The following FBLN2 variants were observed in gnomAD, a reference collection of about 807,000 sequenced individuals.
FBLN2 encodes the protein fibulin-2.
A neutral mutation model predicts 123.7 loss-of-function variants in FBLN2; 81 were observed. That is an observed-to-expected ratio of 0.65 (90% CI 0.55 to 0.79). The LOEUF (loss-of-function observed/expected upper bound fraction) is 0.79, where lower values mean the gene tolerates loss of function less well. Ranked by LOEUF, FBLN2 falls within the 30% of genes least tolerant of loss-of-function variation. The pLI is 0.00. For missense variants in FBLN2, 1,603 were observed against 1,681.3 expected (o/e 0.95, Z 0.81); for synonymous variants, 699 against 701.4 (o/e 1.00, Z 0.05).
chr3:13,606,657 TA>T (rs1255192707), intron 2 of FBLN2, among the ~76,000 whole-genome samples: 2 of 131,652 alleles, frequency 1.5e-5, no homozygotes, highest in Admixed American at 7.7e-5. Flanking sequence ...TTATATACTG[TA>T]TTTTTTTTTT....
chr3:13,580,321 T>C (rs888759333), intron 2 of FBLN2, among the ~76,000 whole-genome samples: 6 of 152,324 alleles, frequency 3.9e-5, no homozygotes, highest in Non-Finnish European at 7.3e-5. Flanking sequence ...CTGGAGGGTG[T>C]ACTGGATTTT....
At chr3:13,573,894 C>CAA (rs34768387) in intron 2 of FBLN2, among the ~76,000 whole-genome samples, 324 of 72,762 alleles carry the variant, frequency 4.5e-3, no homozygotes, top group African/African-American at 8.2e-3. Flanking sequence ...GAGTGAAACT[C>CAA]AAAAAAAAAA....
At chr3:13,617,988 G>A in intron 5 of FBLN2, 88 bp from the exon 6 acceptor site, 1 of 1,156,752 alleles carries the variant, frequency 8.6e-7, no homozygotes, top group Non-Finnish European at 1.3e-6. Flanking sequence ...GTCTTGATGA[G>A]GACCTGCACT....
intron 2 of FBLN2, among the ~76,000 whole-genome samples, chr3:13,583,735 C>T (rs1171921840): frequency 1.3e-5 from 2 of 152,188 alleles, no homozygotes; most frequent in Admixed American, 6.5e-5. Context: ...AGTGATAGAC[C>T]CCATATATAA....
At chr3:13,603,236 GTT>G (rs143770518) in intron 2 of FBLN2, among the ~76,000 whole-genome samples, 24 of 141,470 alleles carry the variant, frequency 1.7e-4, no homozygotes, top group African/African-American at 3.5e-4. Context: ...TTTTTTTTAA[GTT>G]TTTTTTTTTT....
intron 2 of FBLN2, among the ~76,000 whole-genome samples, chr3:13,580,269 C>T (rs1321268712): frequency 1.3e-5 from 2 of 152,034 alleles, no homozygotes; most frequent in African/African-American, 2.4e-5. Context: ...TTTATATGGA[C>T]GTATTTTTAT....
Position 13,571,448 on chromosome 3 carries a change from G to T in FBLN2, c.1093G>T (p.Ala365Ser). Residue 365 changes from alanine to serine, a missense_variant, in exon 2 of 18, where the codon GCT becomes TCT. Physicochemically the swap from Ala to Ser is moderately conservative, Grantham distance 99. Transcript: ENST00000404922. ...GVTHAPSLGK[A>S]ALVPTQAVPG... Reference sequence around the variant, plus strand: ...GACGCATGCACCGAGCCTGGGCAAGGCTGCTCTCGTCCCAACTCAGGCCGT... The same window carrying T: ...GACGCATGCACCGAGCCTGGGCAAGTCTGCTCTCGTCCCAACTCAGGCCGT... The T allele has an allele frequency of 6.2e-7, 1 of 1,612,928 alleles. No homozygotes were observed. Among genetic ancestry groups the T allele is most frequent in the Non-Finnish European group, 8.5e-7 (1 of 1,179,650 alleles).
chr3:13,574,682 A>G (rs946344757), intron 2 of FBLN2, among the ~76,000 whole-genome samples: 8 of 151,130 alleles, frequency 5.3e-5, no homozygotes, highest in Non-Finnish European at 8.9e-5. Flanking sequence ...TGGCCCCATT[A>G]CCTCCCTTTC....
At chr3:13,613,276 A>G (rs146642358) in intron 4 of FBLN2, among the ~76,000 whole-genome samples, 8 of 152,388 alleles carry the variant, frequency 5.2e-5, no homozygotes, top group Non-Finnish European at 8.8e-5. Context: ...TTCTCTTAAT[A>G]GAAGCAGCTG....
intron 2 of FBLN2, among the ~76,000 whole-genome samples, chr3:13,605,117 C>T (rs995792299): frequency 9.2e-5 from 14 of 152,182 alleles, no homozygotes; most frequent in Admixed American, 7.2e-4. Flanking sequence ...CAGAGGCACT[C>T]ATCTGTTACT....
chr3:13,621,948 A>C, intron 9 of FBLN2, 33 bp downstream of exon 9: 4 of 1,603,044 alleles, frequency 2.5e-6, no homozygotes, highest in Non-Finnish European at 3.4e-6. Flanking sequence ...GCCCGCCGTC[A>C]CAGCTCTCCG....
At position 13,622,970 on chromosome 3, in the gene FBLN2, G is replaced by A. The variant is rs557633799; in HGVS notation, c.2296+1055G>A. On this transcript the variant is annotated intron_variant, in intron 9 of 17. Coordinates refer to ENST00000404922, the MANE Select transcript of FBLN2 (RefSeq NM_001004019.2). ...AAATAAAGGTATAGAAGTAGGATCA[G>A]AACCTAGTGCGTTCAGGGCATGTGA... 1.7e-4 allele frequency among the ~76,000 whole-genome samples: 26 copies of A among 152,354 alleles called. No homozygotes were observed. In the South Asian group the frequency reaches 5.2e-3, roughly 30 times the overall value.
intron 16 of FBLN2, among the ~76,000 whole-genome samples, chr3:13,633,024 T>C (rs1013439632): frequency 6.6e-6 from 1 of 152,234 alleles, no homozygotes; most frequent in Non-Finnish European, 1.5e-5. Flanking sequence ...CATCAGACAC[T>C]GCAGTGACAT....
intron 16 of FBLN2, among the ~76,000 whole-genome samples, chr3:13,634,594 C>T (rs3773250): frequency 0.17 from 25,338 of 152,320 alleles, 2,377 homozygotes; most frequent in South Asian, 0.24. Flanking sequence ...GTGGAGTCCA[C>T]GAGTGAATAA....
chr3:13,560,620 T>G (rs1158903858), intron 1 of FBLN2, among the ~76,000 whole-genome samples: 1 of 152,170 alleles, frequency 6.6e-6, no homozygotes, highest in Admixed American at 6.5e-5. Context: ...TATTAAGACA[T>G]TTGCCCGCGA....
In FBLN2 at chr3:13,570,794, G is replaced by T; in HGVS notation, c.439G>T (p.Ala147Ser). 1 of 1,595,402 alleles carries T rather than the reference G, an allele frequency of 6.3e-7. No individual in the cohort carries two copies. The highest frequency in any genetic ancestry group is 8.5e-7 in the Non-Finnish European group (1 of 1,172,034). ...VGCVHAGHKY[A>S]AGHTVHLPPC... Reference sequence around the variant, plus strand: ...CTGCGTCCACGCGGGCCACAAGTACGCCGCTGGCCACACTGTTCACCTGCC... The same window carrying T: ...CTGCGTCCACGCGGGCCACAAGTACTCCGCTGGCCACACTGTTCACCTGCC... The change falls in exon 2 of 18, where the codon GCC becomes TCC. Residue 147 changes from alanine (A) to serine (S), a missense_variant. Physicochemically the swap from Ala to Ser is moderately conservative, Grantham distance 99. Coordinates refer to ENST00000404922, the MANE Select transcript of FBLN2 (RefSeq NM_001004019.2).
At chr3:13,611,222 C>T (rs920101398) in intron 4 of FBLN2, among the ~76,000 whole-genome samples, 4 of 152,186 alleles carry the variant, frequency 2.6e-5, no homozygotes, top group East Asian at 1.9e-4. Flanking sequence ...GCTGGGATTA[C>T]AGGCATGAGC....
At chr3:13,609,306 T>A (rs961063443) in intron 3 of FBLN2, among the ~76,000 whole-genome samples, 3 of 152,078 alleles carry the variant, frequency 2.0e-5, no homozygotes, top group African/African-American at 7.2e-5. Context: ...CATCTCCGAG[T>A]CTAGTGGGAC....
chr3:13,616,110 A>G (rs1045126359), intron 5 of FBLN2, among the ~76,000 whole-genome samples: 2 of 152,184 alleles, frequency 1.3e-5, no homozygotes, highest in East Asian at 3.8e-4. Flanking sequence ...CAGATCAACC[A>G]GAACAGATGT....
Sources: gnomAD v4.1 joint callset for allele counts (sites outside exome capture counted in the v4.1 genomes callset) on GRCh38, gnomAD v4.1.1 for gene constraint, MANE v1.5 for transcripts, NCBI Gene and HGNC (gene_info 2026-07-23, HGNC 2026-07-21) for gene names.